SCARA5: variants seen among roughly 807,000 people sequenced by gnomAD.
The protein encoded by SCARA5 is scavenger receptor class A member 5.
SCARA5 carries 45 observed loss-of-function variants against 46.3 expected under a neutral mutation model. The observed-to-expected ratio is 0.97, with a 90% confidence interval of 0.76 to 1.24. The LOEUF is 1.24. Ranked by LOEUF, SCARA5 falls within the 50% of genes most tolerant of loss-of-function variation. The pLI, the probability that SCARA5 is intolerant of heterozygous loss-of-function variation, is 0.00. For missense variants in SCARA5, 680 were observed against 689.0 expected (o/e 0.99, Z 0.15); for synonymous variants, 333 against 306.5 (o/e 1.09, Z -0.90).
intron 3 of SCARA5, among the ~76,000 whole-genome samples, chr8:27,929,642 G>C (rs988512906): frequency 2.0e-5 from 3 of 152,142 alleles, no homozygotes; most frequent in Non-Finnish European, 2.9e-5. Context: ...ATGAAATTGG[G>C]GTGAATTTGT....
At chr8:27,982,128 T>G (rs1808625485) in intron 2 of SCARA5, among the ~76,000 whole-genome samples, 1 of 152,172 alleles carries the variant, frequency 6.6e-6, no homozygotes, top group Non-Finnish European at 1.5e-5. Context: ...TGTAACTCAT[T>G]ACCCCCAGGT....
chr8:27,883,210 G>C (rs1000599791), intron 7 of SCARA5, among the ~76,000 whole-genome samples: 1 of 152,226 alleles, frequency 6.6e-6, no homozygotes, highest in African/African-American at 2.4e-5. Flanking sequence ...ACAATGCATT[G>C]GTTCTCCAAG....
At chr8:27,890,644 G>A (rs1375837810) in intron 7 of SCARA5, among the ~76,000 whole-genome samples, 1 of 152,170 alleles carries the variant, frequency 6.6e-6, no homozygotes, top group Non-Finnish European at 1.5e-5. Context: ...TATTCAGAAT[G>A]GGTGCTGTTC....
chr8:27,879,482 G>C (rs1341935460), intron 8 of SCARA5, 87 bp downstream of exon 8: 1 of 1,337,706 alleles, frequency 7.5e-7, no homozygotes, highest in African/African-American at 1.4e-5. Flanking sequence ...CGGAATTGCA[G>C]TGGAAGGGAC....
chr8:27,912,630 T>C (rs1331811825), intron 4 of SCARA5, among the ~76,000 whole-genome samples: 1 of 152,212 alleles, frequency 6.6e-6, no homozygotes, highest in South Asian at 2.1e-4. Flanking sequence ...GGTACCTAGA[T>C]CTCTGCTGCT....
At chr8:27,909,568 C>T (rs573531316) in intron 5 of SCARA5, 95 bp downstream of exon 5, 4 of 868,404 alleles carry the variant, frequency 4.6e-6, no homozygotes, top group East Asian at 5.5e-5. Flanking sequence ...TGGGCACTCC[C>T]CTGGGGAGCC....
chr8:27,901,558 G>A (rs543317987), intron 7 of SCARA5, among the ~76,000 whole-genome samples: 19 of 152,114 alleles, frequency 1.2e-4, no homozygotes, highest in Non-Finnish European at 2.5e-4. Flanking sequence ...CACAGAGCCC[G>A]GGTCTCAGGG....
At chr8:27,940,084 T>A (rs1807919117) in intron 3 of SCARA5, among the ~76,000 whole-genome samples, 1 of 152,244 alleles carries the variant, frequency 6.6e-6, no homozygotes, top group Non-Finnish European at 1.5e-5. Context: ...CATAAGTGCT[T>A]GTTTTCAAAC....
chr8:27,896,193 T>G (rs1343099018), intron 7 of SCARA5, among the ~76,000 whole-genome samples: 1 of 152,172 alleles, frequency 6.6e-6, no homozygotes, highest in Non-Finnish European at 1.5e-5. Flanking sequence ...TGTGCCTGTT[T>G]CATCAGGCCT....
At position 27,921,782 on chromosome 8, in the gene SCARA5, G is replaced by A; in HGVS notation, c.705C>T (p.Ser235=). ...GVLRGLNHSL[S]YDVALHRTRL... ...GCGTGCGGTGGAGGGCCACGTCGTA[G>A]GACAGGCTGTGGTTGAGGCCGCGCA... The change falls in exon 4 of 9, where the codon TCC becomes TCT. Residue 235 remains serine (S), a synonymous_variant. Coordinates refer to ENST00000354914, the MANE Select transcript of SCARA5 (RefSeq NM_173833.6). The A allele has an allele frequency of 2.5e-6, 4 of 1,572,996 alleles. No individual in the cohort carries two copies. The highest frequency in any genetic ancestry group is 2.3e-5 in the South Asian group (2 of 86,368).
intron 3 of SCARA5, among the ~76,000 whole-genome samples, chr8:27,944,425 T>TA: frequency 6.6e-6 from 1 of 152,158 alleles, no homozygotes; most frequent in South Asian, 2.1e-4. Context: ...CCACAAAAAT[T>TA]AAAAATGGTA....
intron 7 of SCARA5, among the ~76,000 whole-genome samples, chr8:27,882,631 G>A (rs1585461383): frequency 6.6e-6 from 1 of 152,204 alleles, no homozygotes; most frequent in Non-Finnish European, 1.5e-5. Flanking sequence ...AAGCCAGAGA[G>A]AGCCAGTTGG....
At chr8:27,890,121 A>T (rs1806958543) in intron 7 of SCARA5, among the ~76,000 whole-genome samples, 1 of 152,256 alleles carries the variant, frequency 6.6e-6, no homozygotes, top group Admixed American at 6.5e-5. Context: ...TAAGAGTTTA[A>T]AATAGATAAG....
chr8:27,870,341 G>T lies in SCARA5; in HGVS notation c.*1593C>A, dbSNP rs992251627. ...TGGCAAGGGATGCATGAGTACATGC[G>T]TGTTATGTAAACATAGCAATTGGTC... On this transcript the variant is annotated 3_prime_UTR_variant, in exon 9 of 9. Transcript: ENST00000354914. 6.6e-6 allele frequency: 1 copy of T among 151,990 alleles called. No homozygotes were observed. The highest frequency in any genetic ancestry group is 2.1e-4 in the South Asian group (1 of 4,806). The allele number at this position is 151,990 out of a possible 1,614,324, so 9.4% of individuals were successfully genotyped here.
intron 3 of SCARA5, among the ~76,000 whole-genome samples, chr8:27,925,682 T>C (rs1259051191): frequency 6.6e-6 from 1 of 152,118 alleles, no homozygotes; most frequent in African/African-American, 2.4e-5. Flanking sequence ...GGGAGAACAT[T>C]TTTGCAATCT....
At chr8:27,909,470 G>C (rs903233062) in intron 5 of SCARA5, among the ~76,000 whole-genome samples, 193 bp downstream of exon 5, 6 of 152,182 alleles carry the variant, frequency 3.9e-5, no homozygotes, top group Non-Finnish European at 8.8e-5. Context: ...TGTGGCACTT[G>C]CTAAGGAAAA....
At chr8:27,911,490 G>C (rs922439315) in intron 4 of SCARA5, among the ~76,000 whole-genome samples, 2 of 152,146 alleles carry the variant, frequency 1.3e-5, no homozygotes, top group African/African-American at 2.4e-5. Flanking sequence ...TCAGGAGTTC[G>C]AGGCCGGCCT....
intron 4 of SCARA5, 47 bp downstream of exon 4, chr8:27,921,524 C>T (rs930286134): frequency 6.1e-6 from 9 of 1,479,750 alleles, no homozygotes; most frequent in Admixed American, 2.2e-5. Context: ...GGAGGAAGAC[C>T]CCATCAGAAG....
chr8:27,982,650 G>A (rs1283768279), intron 2 of SCARA5, among the ~76,000 whole-genome samples: 1 of 152,176 alleles, frequency 6.6e-6, no homozygotes, highest in Non-Finnish European at 1.5e-5. Context: ...ACGCAAGGGA[G>A]GAGGCAGATT....
Sources: gnomAD v4.1 joint callset for allele counts (sites outside exome capture counted in the v4.1 genomes callset) on GRCh38, gnomAD v4.1.1 for gene constraint, MANE v1.5 for transcripts, NCBI Gene and HGNC (gene_info 2026-07-23, HGNC 2026-07-21) for gene names.